Variants in DENND1A observed in about 807,000 individuals in gnomAD.
DENND1A encodes DENN domain containing 1A.
A neutral mutation model predicts 113.7 loss-of-function variants in DENND1A; 51 were observed. That is an observed-to-expected ratio of 0.45 (90% CI 0.36 to 0.57). DENND1A has a LOEUF of 0.57. Among genes scored for constraint, DENND1A ranks in the 20% least tolerant of loss-of-function variants. DENND1A has a pLI of 0.00. For missense variants in DENND1A, 1,258 were observed against 1,395.9 expected, an observed-to-expected ratio of 0.90 and a Z score of 1.57; for synonymous variants, 565 against 570.8, an observed-to-expected ratio of 0.99 and a Z score of 0.14.
chr9:123,627,757 A>AAAAAAG (rs1366495919), intron 10 of DENND1A, among the ~76,000 whole-genome samples: 2 of 144,464 alleles, frequency 1.4e-5, no homozygotes, highest in South Asian at 2.1e-4. Context: ...AAAAAAAAAA[A>AAAAAAG]AGAGAGAGAG....
chr9:123,608,306 T>A (rs1330807747), intron 11 of DENND1A, among the ~76,000 whole-genome samples: 2 of 152,194 alleles, frequency 1.3e-5, no homozygotes, highest in Non-Finnish European at 2.9e-5. Context: ...AATAGCACAG[T>A]GTGCAACAGT....
intron 5 of DENND1A, among the ~76,000 whole-genome samples, chr9:123,715,930 C>T (rs1353786810): frequency 1.3e-5 from 2 of 152,252 alleles, no homozygotes; most frequent in East Asian, 3.9e-4. Flanking sequence ...CCCACCTCAG[C>T]CTCCCAAAGT....
intron 5 of DENND1A, among the ~76,000 whole-genome samples, chr9:123,706,317 A>AT (rs1293881833): frequency 1.3e-5 from 2 of 151,516 alleles, no homozygotes; most frequent in Admixed American, 6.6e-5. Context: ...TGCCCAGCTA[A>AT]TTTTTTGTAT....
chr9:123,851,031 A>C (rs1303646516), intron 2 of DENND1A, among the ~76,000 whole-genome samples: 2 of 152,234 alleles, frequency 1.3e-5, no homozygotes, highest in East Asian at 3.8e-4. Flanking sequence ...ACACGTCTTC[A>C]ACACAAGAAT....
rs184753125 is a variant in DENND1A at position 123,822,722 on chromosome 9, G to C, written c.89-30092C>G. On this transcript the variant is annotated intron_variant, in intron 2 of 23. Coordinates refer to ENST00000394215, the MANE Select transcript of DENND1A (RefSeq NM_001352964.2). ...TACTACATAAACACATTCACACACA[G>C]AAAGTTTCAGAAAACTATACCTGTC... Among the ~76,000 whole-genome samples the C allele has an allele frequency of 4.7e-4, 72 of 152,188 alleles. 1 individual carries two copies. The highest frequency in any genetic ancestry group is 1.6e-3 in the African/African-American group (65 of 41,528).
chr9:123,929,900 GC>G lies in DENND1A; in HGVS notation c.5del (p.Gly2AlafsTer49). 2.9e-6 allele frequency: 1 copy of G among 342,234 alleles called. No homozygotes were observed. Among genetic ancestry groups the G allele is most frequent in the Non-Finnish European group, 5.5e-6 (1 of 183,422 alleles). The allele number at this position is 342,234 out of a possible 1,614,324, so 21.2% of individuals were successfully genotyped here. On this transcript the variant is annotated frameshift_variant, in exon 1 of 24. Coordinates refer to ENST00000394215, the MANE Select transcript of DENND1A (RefSeq NM_001352964.2). LOFTEE classifies it high-confidence loss of function. Reference sequence around the variant, plus strand: ...CCGGCCGCACTCACTTGATCCTGGAGCCCATGGTCCCCAGGCCTCCTCATGG... The same window carrying G: ...CCGGCCGCACTCACTTGATCCTGGAGCCATGGTCCCCAGGCCTCCTCATGG... Reference protein sequence around the residue: MGSRIKQNPETT... With the variant: MXSRIKQNPETT...
intron 13 of DENND1A, among the ~76,000 whole-genome samples, chr9:123,532,135 C>T (rs2055372747): frequency 6.6e-6 from 1 of 152,198 alleles, no homozygotes; most frequent in African/African-American, 2.4e-5. Flanking sequence ...ATGAAATTCA[C>T]ATTATGCTCA....
At chr9:123,600,333 T>G (rs1378748866) in intron 11 of DENND1A, among the ~76,000 whole-genome samples, 1 of 152,224 alleles carries the variant, frequency 6.6e-6, no homozygotes, top group Non-Finnish European at 1.5e-5. Context: ...AGTGTTTTCA[T>G]GTACCTTCTT....
chr9:123,507,912 C>T (rs769913437), intron 13 of DENND1A, among the ~76,000 whole-genome samples: 2 of 152,114 alleles, frequency 1.3e-5, no homozygotes, highest in African/African-American at 4.8e-5. Flanking sequence ...GTTTCCATTG[C>T]TACTGTGAAG....
At chr9:123,678,051 C>T (rs185083485) in intron 5 of DENND1A, among the ~76,000 whole-genome samples, 40 of 152,202 alleles carry the variant, frequency 2.6e-4, no homozygotes, top group South Asian at 6.2e-4. Flanking sequence ...GTCCCTCACC[C>T]CCTCCCCATC....
Position 123,613,784 on chromosome 9 carries a change from G to A in DENND1A, c.720-4303C>T, listed in dbSNP as rs112751381. Among the ~76,000 whole-genome samples, 1,075 of 152,318 alleles carry A rather than the reference G, an allele frequency of 7.1e-3. 17 individuals carry two copies. The highest frequency in any genetic ancestry group is 0.025 in the African/African-American group (1,023 of 41,550). ...GACAACCATGTCACAACTGCTGTAT[G>A]ACTGACAGTGATTGTAGGATGCTAT... is the stretch of plus-strand genomic sequence containing the variant. On this transcript the variant is annotated intron_variant, in intron 10 of 23. Coordinates refer to ENST00000394215, the MANE Select transcript of DENND1A (RefSeq NM_001352964.2).
intron 4 of DENND1A, among the ~76,000 whole-genome samples, chr9:123,767,288 A>G (rs1004808412): frequency 2.6e-5 from 4 of 152,200 alleles, no homozygotes; most frequent in African/African-American, 9.6e-5. Context: ...TTTGGTATCA[A>G]TAAAAGTTAT....
intron 13 of DENND1A, among the ~76,000 whole-genome samples, chr9:123,520,720 C>A (rs2772215): frequency 0.81 from 122,713 of 152,172 alleles, 49,676 homozygotes; most frequent in East Asian, 0.85. Flanking sequence ...CCTTCCAATG[C>A]TCGATAATCA....
At chr9:123,848,228 TAAAAAAAAAAAAAAAAA>T (rs375535777) in intron 2 of DENND1A, among the ~76,000 whole-genome samples, 8 of 60,500 alleles carry the variant, frequency 1.3e-4, no homozygotes, top group African/African-American at 5.0e-4. Context: ...GATACTGCTT[TAAAAAAAAAAAAAAAAA>T]AAAAAAAAAA....
At chr9:123,481,963 T>G (rs866480111) in intron 13 of DENND1A, among the ~76,000 whole-genome samples, 20 of 150,942 alleles carry the variant, frequency 1.3e-4, no homozygotes, top group Admixed American at 1.1e-3. Flanking sequence ...GTCTGGCTAT[T>G]TTTTTTTCTT....
intron 9 of DENND1A, among the ~76,000 whole-genome samples, chr9:123,638,421 C>T (rs2061833828): frequency 1.3e-5 from 2 of 152,166 alleles, no homozygotes; most frequent in African/African-American, 4.8e-5. Flanking sequence ...ACAGACATTA[C>T]TAACTGATCA....
At chr9:123,397,832 C>A (rs752071637) in intron 21 of DENND1A, among the ~76,000 whole-genome samples, 3 of 152,180 alleles carry the variant, frequency 2.0e-5, no homozygotes. Context: ...AGATTTTGCA[C>A]GGATCTGGCC....
chr9:123,413,448 G>A, intron 19 of DENND1A: 4 of 985,430 alleles, frequency 4.1e-6, no homozygotes, highest in Non-Finnish European at 4.8e-6. Context: ...GAGTGGGAGT[G>A]ACACTTCAGA....
intron 2 of DENND1A, among the ~76,000 whole-genome samples, chr9:123,824,558 A>G (rs1405869628): frequency 6.6e-6 from 1 of 152,188 alleles, no homozygotes; most frequent in African/African-American, 2.4e-5. Context: ...TAAACTCAAA[A>G]TACATTGGGT....
Sources: allele counts gnomAD v4.1 joint callset (sites outside exome capture counted in the v4.1 genomes callset), GRCh38; gene constraint gnomAD v4.1.1; transcripts MANE v1.5; gene names NCBI Gene and HGNC (gene_info 2026-07-23, HGNC 2026-07-21).